The following NELL2 variants were observed in gnomAD, a reference collection of about 807,000 sequenced individuals.
NELL2 encodes protein kinase C-binding protein NELL2.
In NELL2, 41 loss-of-function variants were observed where a neutral mutation model predicts 109.6. The observed-to-expected ratio is 0.37, with a 90% CI of 0.29 to 0.49. The LOEUF is 0.49. Ranked by LOEUF, NELL2 falls within the 20% of genes least tolerant of loss-of-function variation. The pLI is 0.98. For synonymous variants in NELL2, 355 were observed against 344.7 expected (o/e 1.03, Z -0.33); for missense variants, 900 against 1,008.3 (o/e 0.89, Z 1.45).
In NELL2 at chr12:44,683,333, G is replaced by A. The variant is rs1484171855; in HGVS notation, c.1319-17724C>T. Among the ~76,000 whole-genome samples the A allele has an allele frequency of 2.7e-4, 38 of 142,198 alleles. 2 individuals carry two copies. Among genetic ancestry groups the A allele is most frequent in the African/African-American group, 1.2e-3 (37 of 32,004 alleles). The allele number at this position is 142,198 out of a possible 152,430, so 93.3% of individuals were successfully genotyped here. The stretch of plus-strand genomic sequence containing the variant: ...GGAGATTTTGGGCTGAGACAATGGG[G>A]TTTTCTAGATATACTATCATGTCGT... On this transcript the variant is annotated intron_variant, in intron 12 of 19. Transcript: ENST00000429094.
At chr12:44,803,647 G>A (rs1942905695) in intron 3 of NELL2, among the ~76,000 whole-genome samples, 1 of 151,926 alleles carries the variant, frequency 6.6e-6, no homozygotes, top group Admixed American at 6.6e-5. Flanking sequence ...GAAAACTGAT[G>A]CATACATGCT....
chr12:44,584,076 A>G (rs1017093450), intron 15 of NELL2, among the ~76,000 whole-genome samples: 1 of 152,160 alleles, frequency 6.6e-6, no homozygotes, highest in Non-Finnish European at 1.5e-5. Flanking sequence ...GCCCAGCCTT[A>G]AATATCACTT....
At chr12:44,831,026 C>G (rs1425562517) in intron 2 of NELL2, among the ~76,000 whole-genome samples, 1 of 151,326 alleles carries the variant, frequency 6.6e-6, no homozygotes, top group Non-Finnish European at 1.5e-5. Flanking sequence ...ACATTGGACA[C>G]CACACCCAAC....
At chr12:44,736,586 T>C (rs1312382418) in intron 9 of NELL2, among the ~76,000 whole-genome samples, 1 of 151,494 alleles carries the variant, frequency 6.6e-6, no homozygotes, top group Non-Finnish European at 1.5e-5. Flanking sequence ...GAAGCCAGGC[T>C]TTGCTAACAT....
At chr12:44,585,748 A>G (rs1944469995) in intron 15 of NELL2, among the ~76,000 whole-genome samples, 1 of 151,948 alleles carries the variant, frequency 6.6e-6, no homozygotes, top group Non-Finnish European at 1.5e-5. Context: ...CTATAAGCAC[A>G]CATGACAATG....
intron 2 of NELL2, among the ~76,000 whole-genome samples, chr12:44,843,552 A>C (rs929315138): frequency 6.6e-6 from 1 of 152,248 alleles, no homozygotes; most frequent in Non-Finnish European, 1.5e-5. Context: ...TTTACCAAGA[A>C]AAATGAAAGC....
chr12:44,745,937 G>GA (rs1380690292), intron 9 of NELL2, among the ~76,000 whole-genome samples: 2 of 152,114 alleles, frequency 1.3e-5, no homozygotes, highest in South Asian at 2.1e-4. Context: ...CACAGAATTG[G>GA]AAAAAACTGC....
intron 9 of NELL2, among the ~76,000 whole-genome samples, chr12:44,726,827 G>C (rs1045718078): frequency 6.6e-6 from 1 of 151,852 alleles, no homozygotes; most frequent in Non-Finnish European, 1.5e-5. Flanking sequence ...GTATTTAGTT[G>C]ATTTATATAT....
intron 9 of NELL2, among the ~76,000 whole-genome samples, chr12:44,760,992 C>A (rs942711795): frequency 6.6e-6 from 1 of 152,128 alleles, no homozygotes; most frequent in Non-Finnish European, 1.5e-5. Context: ...CATAAAAAGA[C>A]CTCTTACAAA....
chr12:44,715,681 AC>A (rs1424423071), intron 9 of NELL2, among the ~76,000 whole-genome samples: 1 of 151,858 alleles, frequency 6.6e-6, no homozygotes, highest in East Asian at 1.9e-4. Context: ...GGTCCCCATA[AC>A]ATCTAGATCT....
intron 9 of NELL2, among the ~76,000 whole-genome samples, chr12:44,737,086 T>C (rs1939691447): frequency 6.6e-6 from 1 of 152,096 alleles, no homozygotes. Flanking sequence ...GTAATATTTT[T>C]CTATTTTGTA....
At chr12:44,855,843 G>T (rs11182714) in intron 2 of NELL2, among the ~76,000 whole-genome samples, 3,151 of 152,178 alleles carry the variant, frequency 0.021, 115 homozygotes, top group East Asian at 0.18. Flanking sequence ...ACCCTCTCAG[G>T]ATAATTTGGA....
intron 12 of NELL2, among the ~76,000 whole-genome samples, chr12:44,683,998 C>A (rs886682124): frequency 6.6e-6 from 1 of 152,152 alleles, no homozygotes; most frequent in African/African-American, 2.4e-5. Context: ...AGGAATGGTA[C>A]CAGTTCCTCC....
chr12:44,730,398 G>A (rs374997208), intron 9 of NELL2, among the ~76,000 whole-genome samples: 2 of 152,160 alleles, frequency 1.3e-5, no homozygotes, highest in East Asian at 3.9e-4. Flanking sequence ...TATAAAACAA[G>A]TCTTAACAAA....
intron 2 of NELL2, among the ~76,000 whole-genome samples, chr12:44,853,872 A>G (rs1944600252): frequency 6.6e-6 from 1 of 152,194 alleles, no homozygotes; most frequent in Admixed American, 6.5e-5. Flanking sequence ...AACAAAGTCA[A>G]CAGGCTCTCA....
At chr12:44,918,098 T>C (rs1173446065), upstream of NELL2, among the ~76,000 whole-genome samples, 1 of 152,230 alleles carries the variant, frequency 6.6e-6, no homozygotes, top group African/African-American at 2.4e-5. Context: ...TTCTTTAACA[T>C]GTGGCTTGCA....
Position 44,896,495 on chromosome 12 carries a change from G to A in NELL2, c.38+17304C>T, listed in dbSNP as rs73283019. Among the ~76,000 whole-genome samples the A allele has an allele frequency of 5.8e-3, 886 of 152,284 alleles. 6 individuals carry two copies. Among genetic ancestry groups the A allele is most frequent in the African/African-American group, 0.02 (843 of 41,564 alleles). ...AATTCCGTGACCGAGGTGTACACAG[G>A]AGTACTGAAAGCTAAAGTGGTGTAT... On this transcript the variant is annotated intron_variant, in intron 1 of 20. Transcript: ENST00000333837.
chr12:44,680,693 T>A (rs1266543679), intron 12 of NELL2, among the ~76,000 whole-genome samples: 1 of 152,168 alleles, frequency 6.6e-6, no homozygotes, highest in Non-Finnish European at 1.5e-5. Flanking sequence ...GGCTCTGTTT[T>A]CTGTGGAATA....
At chr12:44,664,292 G>T (rs1947849406) in intron 13 of NELL2, among the ~76,000 whole-genome samples, 1 of 151,966 alleles carries the variant, frequency 6.6e-6, no homozygotes, top group African/African-American at 2.4e-5. Flanking sequence ...AAAAAGATAG[G>T]AATTTGTAAA....
Sources: allele counts gnomAD v4.1 joint callset (sites outside exome capture counted in the v4.1 genomes callset), GRCh38; gene constraint gnomAD v4.1.1; transcripts MANE v1.5; gene names NCBI Gene and HGNC (gene_info 2026-07-23, HGNC 2026-07-21).